ALDH1A3: variants seen among roughly 807,000 people sequenced by gnomAD.
ALDH1A3 encodes the protein aldehyde dehydrogenase 1 family member A3, also known as retinaldehyde dehydrogenase 3.
Under a neutral mutation model 57.5 loss-of-function variants are expected in ALDH1A3, and 28 were observed. That is an observed-to-expected ratio of 0.49 (90% confidence interval 0.36 to 0.67). The LOEUF (loss-of-function observed/expected upper bound fraction) is 0.67, where lower values mean the gene tolerates loss of function less well. Among genes scored for constraint, ALDH1A3 ranks in the 30% least tolerant of loss-of-function variants. The pLI is 0.00. For missense variants in ALDH1A3, 507 were observed against 669.4 expected (o/e 0.76, Z 2.68); for synonymous variants, 281 against 264.8 (o/e 1.06, Z -0.59).
At chr15:100,913,601 T>A (rs1004990294) in intron 12 of ALDH1A3, 1 of 152,230 alleles carries the variant, frequency 6.6e-6, no homozygotes, top group Non-Finnish European at 1.5e-5. Context: ...GTCAATTGAT[T>A]AGTAACTTGA....
intron 1 of ALDH1A3, among the ~76,000 whole-genome samples, chr15:100,884,565 GTTT>G (rs58072985): frequency 1.4e-5 from 2 of 139,924 alleles, no homozygotes; most frequent in African/African-American, 5.1e-5. Flanking sequence ...GTTTTTCTGG[GTTT>G]TTTTTTTTTT....
At chr15:100,897,498 C>T (rs540378309) in intron 7 of ALDH1A3, among the ~76,000 whole-genome samples, 1 of 151,428 alleles carries the variant, frequency 6.6e-6, no homozygotes, top group African/African-American at 2.4e-5. Context: ...CTGCTCATAG[C>T]GCACCCCTTC....
chr15:100,899,340 C>A (rs2041743226), intron 8 of ALDH1A3, among the ~76,000 whole-genome samples: 1 of 152,202 alleles, frequency 6.6e-6, no homozygotes, highest in Non-Finnish European at 1.5e-5. Context: ...GTTTTGCTTT[C>A]CTGTGCCACC....
At chr15:100,907,859 T>C (rs182178807) in intron 11 of ALDH1A3, among the ~76,000 whole-genome samples, 3,565 of 139,364 alleles carry the variant, frequency 0.026, 128 homozygotes, top group African/African-American at 0.087. Flanking sequence ...TTTTTTTTTT[T>C]TTTTTTTGAG....
intron 3 of ALDH1A3, chr15:100,892,020 G>A (rs2041655011): frequency 1.2e-5 from 2 of 164,054 alleles, no homozygotes; most frequent in African/African-American, 4.8e-5. Flanking sequence ...TGGCCAGCCT[G>A]GCCGAGAAGG....
At position 100,900,728 on chromosome 15, in the gene ALDH1A3, C is replaced by T; in HGVS notation, c.1037C>T (p.Pro346Leu). The stretch of plus-strand genomic sequence containing the variant: ...GCCAAGAAACGGCCCGTGGGAGACC[C>T]CTTCGATGTCAAAACAGAACAGGGG... Reference protein sequence around the residue: ...EYAKKRPVGDPFDVKTEQGPQ... With the variant: ...EYAKKRPVGDLFDVKTEQGPQ... Residue 346 changes from proline (P) to leucine (L), a missense_variant, in exon 9 of 13, where the codon CCC becomes CTC. By Grantham distance (98) the Pro-to-Leu change is moderately conservative (BLOSUM62 -3). Around this residue, in one of 2 missense-constraint regions of ALDH1A3, gnomAD observed 432 missense variants for 608.4 expected, o/e 0.71. Coordinates refer to ENST00000329841, the MANE Select transcript of ALDH1A3 (RefSeq NM_000693.4). 6.2e-7 allele frequency: 1 copy of T among 1,614,076 alleles called. No individual in the cohort carries two copies. The highest frequency in any genetic ancestry group is 1.1e-5 in the South Asian group (1 of 91,056).
rs776391902 is a variant in ALDH1A3 at position 100,894,118 on chromosome 15, G to C, written c.666+36G>C. The C allele has an allele frequency of 6.2e-7, 1 of 1,609,236 alleles. No individual in the cohort carries two copies. The highest frequency in any genetic ancestry group is 1.7e-5 in the Admixed American group (1 of 59,656). On this transcript the variant is annotated intron_variant, in intron 6 of 12. Coordinates refer to ENST00000329841, the MANE Select transcript of ALDH1A3 (RefSeq NM_000693.4). This position sits in a 1 kb window ranked among gnomAD's most constrained non-coding sequence, Gnocchi z 4.5. ...CAAAAAGAAAATATCACATGTTCTT[G>C]GTAACATTCCCACTCCTAGGAACCA...
intron 8 of ALDH1A3, among the ~76,000 whole-genome samples, chr15:100,898,545 G>A (rs1297964857): frequency 6.6e-6 from 1 of 152,192 alleles, no homozygotes; most frequent in Admixed American, 6.5e-5. Context: ...TGGGAGGAGT[G>A]GGGAGGGCAG....
rs780841932 is a variant in ALDH1A3 at position 100,896,033 on chromosome 15, C to G, written c.767C>G (p.Thr256Ser). The G allele has an allele frequency of 1.9e-6, 3 of 1,610,318 alleles. No individual in the cohort carries two copies. The South Asian group carries it at 3.3e-5, about 18-fold the overall frequency. Residue 256 changes from threonine (T) to serine (S), a missense_variant, in exon 7 of 13, where the codon ACC becomes AGC. By Grantham distance (58) the Thr-to-Ser change is moderately conservative. Coordinates refer to ENST00000329841, the MANE Select transcript of ALDH1A3 (RefSeq NM_000693.4). ...SHPQINKIAF[T>S]GSTEVGKLVK... ...CCTCAGATCAACAAGATCGCCTTCA[C>G]CGGCTCCACAGAGGTAACCCTCCTC...
intron 1 of ALDH1A3, among the ~76,000 whole-genome samples, chr15:100,884,005 G>A (rs958387709): frequency 2.0e-5 from 3 of 152,214 alleles, no homozygotes; most frequent in African/African-American, 4.8e-5. Flanking sequence ...GCAGATAGAT[G>A]TAAAAACGGA....
At position 100,905,606 on chromosome 15, in the gene ALDH1A3, A is replaced by G. The variant is rs1179869080; in HGVS notation, c.1152A>G (p.Ser384=). The change falls in exon 10 of 13, where the codon TCA becomes TCG. Residue 384 remains serine, a synonymous_variant. Transcript: ENST00000329841. Reference sequence around the variant, plus strand: ...GGGCCAAGCTGGAATGCGGGGGCTCAGCCATGGAAGACAAGGGGCTCTTCA... The same window carrying G: ...GGGCCAAGCTGGAATGCGGGGGCTCGGCCATGGAAGACAAGGGGCTCTTCA... ...KEGAKLECGG[S]AMEDKGLFIK... 3 of 1,613,768 alleles carry G rather than the reference A, an allele frequency of 1.9e-6. No individual in the cohort carries two copies. The highest frequency in any genetic ancestry group is 2.5e-6 in the Non-Finnish European group (3 of 1,179,914).
rs2041663412 is a variant in ALDH1A3, at chr15:100,892,806, G to A, written c.476-139G>A. Reference sequence around the variant, plus strand: ...CTAAGAACTTCACTTTTAAAGTTGAGGTCAAATCACTTCTCTGTATAATAG... The same window carrying A: ...CTAAGAACTTCACTTTTAAAGTTGAAGTCAAATCACTTCTCTGTATAATAG... On this transcript the variant is annotated intron_variant, in intron 4 of 12. Coordinates refer to ENST00000329841, the MANE Select transcript of ALDH1A3 (RefSeq NM_000693.4). The A allele has an allele frequency of 6.1e-6, 8 of 1,322,214 alleles. No individual in the cohort carries two copies. In the East Asian group the frequency reaches 1.6e-4, roughly 27 times the overall value. The allele number at this position is 1,322,214 out of a possible 1,614,324, so 81.9% of individuals were successfully genotyped here.
chr15:100,908,260 T>C, intron 11 of ALDH1A3, 148 bp from the exon 12 acceptor site: 2 of 647,100 alleles, frequency 3.1e-6, no homozygotes, highest in East Asian at 2.8e-5. Flanking sequence ...AAGACAAAAG[T>C]TGAGAGCACC....
intron 1 of ALDH1A3, 47 bp from the exon 2 acceptor site, chr15:100,885,220 A>T (rs766797545): frequency 4.4e-6 from 6 of 1,355,832 alleles, no homozygotes; most frequent in Non-Finnish European, 6.3e-6. Context: ...TTGAAATTAT[A>T]TGATTTTGAT....
intron 7 of ALDH1A3, among the ~76,000 whole-genome samples, chr15:100,896,426 AC>A (rs1287619210): frequency 6.6e-6 from 1 of 152,030 alleles, no homozygotes; most frequent in African/African-American, 2.4e-5. Context: ...AAAAAAAAAA[AC>A]CAAACTGAAT....
chr15:100,915,150 C>T lies in ALDH1A3; in HGVS notation c.*377C>T, dbSNP rs546973203. 2 of 214,914 alleles carry T rather than the reference C, an allele frequency of 9.3e-6. No individual in the cohort carries two copies. The highest frequency in any genetic ancestry group is 8.6e-5 in the South Asian group (1 of 11,692). 13.3% of individuals were successfully genotyped at this position (214,914 alleles called of 1,614,324 possible). A position where few individuals can be genotyped will look rare whatever the true frequency, so the allele number is the denominator to read the frequency against. The stretch of plus-strand genomic sequence containing the variant: ...TGACTCCAGTAAGAATGTGGGAAAA[C>T]CCCCTGTGTGTTCTGCAAGCAGGGC... On this transcript the variant is annotated 3_prime_UTR_variant, in exon 13 of 13. Transcript: ENST00000329841.
rs74901156 is a variant in ALDH1A3 at position 100,883,300 on chromosome 15, T to C, written c.100-1967T>C. Among the ~76,000 whole-genome samples, 1,179 of 152,318 alleles carry C rather than the reference T, an allele frequency of 7.7e-3. 6 individuals are homozygous for C. Among genetic ancestry groups the C allele is most frequent in the Non-Finnish European group, 9.7e-3 (661 of 68,024 alleles). ...CTGCACTTTCCTCCCCGCACTAACT[T>C]AACTCTTCTTCCTCAGTTATTAATT... On this transcript the variant is annotated intron_variant, in intron 1 of 12. Coordinates refer to ENST00000329841, the MANE Select transcript of ALDH1A3 (RefSeq NM_000693.4).
chr15:100,894,998 C>T lies in ALDH1A3; in HGVS notation c.666+916C>T, dbSNP rs1053985065. ...CTCCACCTCGTTTGTTTTGTGTTCT[C>T]GCCTGATAAAGAGGCTTAGTATATG... On this transcript the variant is annotated intron_variant, in intron 6 of 12. Coordinates refer to ENST00000329841, the MANE Select transcript of ALDH1A3 (RefSeq NM_000693.4). This position sits in a 1 kb window ranked among gnomAD's most constrained non-coding sequence, Gnocchi z 4.5. The T allele has an allele frequency of 1.1e-4, 16 of 152,156 alleles. No individual in the cohort carries two copies. Among genetic ancestry groups the T allele is most frequent in the Admixed American group, 7.9e-4 (12 of 15,270 alleles). 9.4% of individuals were successfully genotyped at this position (152,156 alleles called of 1,614,324 possible). A position where few individuals can be genotyped will look rare whatever the true frequency, so the allele number is the denominator to read the frequency against.
chr15:100,898,286 G>A (rs2141561253), intron 8 of ALDH1A3, 101 bp downstream of exon 8: 1 of 1,028,716 alleles, frequency 9.7e-7, no homozygotes, highest in Non-Finnish European at 1.4e-6. Context: ...AGTAAGATGT[G>A]TGCACACACA....
Sources: gnomAD v4.1 joint callset for allele counts (sites outside exome capture counted in the v4.1 genomes callset) on GRCh38, gnomAD v4.1.1 for gene constraint, gnomAD v4.1.1 regional missense constraint, Gnocchi (gnomAD v3.1) non-coding constraint, MANE v1.5 for transcripts, NCBI Gene and HGNC (gene_info 2026-07-23, HGNC 2026-07-21) for gene names.